Variants in NEDD9 observed in about 807,000 individuals in gnomAD.
NEDD9 encodes enhancer of filamentation 1.
NEDD9 carries 26 observed loss-of-function variants against 76.6 expected under a neutral mutation model. That is an observed-to-expected ratio of 0.34 (90% CI 0.25 to 0.47). NEDD9 has a LOEUF of 0.47. Among genes scored for constraint, NEDD9 ranks in the 20% least tolerant of loss-of-function variants. The pLI is 1.00. For missense variants in NEDD9, 937 were observed against 1,058.5 expected (o/e 0.89, Z 1.59); for synonymous variants, 392 against 414.2 (o/e 0.95, Z 0.65).
intron 2 of NEDD9, among the ~76,000 whole-genome samples, chr6:11,307,336 GA>G (rs759522337): frequency 6.6e-6 from 1 of 152,154 alleles, no homozygotes; most frequent in Non-Finnish European, 1.5e-5. Flanking sequence ...TCTTGGCTAA[GA>G]GGGGGGAAAA....
chr6:11,324,798 C>T (rs1215236106), intron 2 of NEDD9, among the ~76,000 whole-genome samples: 1 of 152,160 alleles, frequency 6.6e-6, no homozygotes, highest in Non-Finnish European at 1.5e-5. Context: ...GGGAGGGACA[C>T]TGACAGCCCT....
intron 2 of NEDD9, among the ~76,000 whole-genome samples, chr6:11,196,757 A>G (rs1196150083): frequency 2.6e-5 from 4 of 152,088 alleles, no homozygotes; most frequent in Admixed American, 2.6e-4. Flanking sequence ...GTTGGTCCAC[A>G]AATGGCATTT....
At position 11,188,324 on chromosome 6, in the gene NEDD9, T is replaced by C. The variant is rs1483407598; in HGVS notation, c.1906-17A>G. ...CTCCTTACCCTGTTAATTTTCAACA[T>C]AAAGAACATATTATGTCATCACTGT... On this transcript the variant is annotated splice_polypyrimidine_tract_variant and intron_variant, in intron 5 of 6. Coordinates refer to ENST00000379446, the MANE Select transcript of NEDD9 (RefSeq NM_006403.4). 3 of 1,578,072 alleles carry C rather than the reference T, an allele frequency of 1.9e-6. No homozygotes were observed. In the Admixed American group the frequency reaches 5.0e-5, roughly 26 times the overall value.
chr6:11,186,520 T>A (rs903338356), intron 6 of NEDD9, among the ~76,000 whole-genome samples: 1 of 152,238 alleles, frequency 6.6e-6, no homozygotes, highest in Non-Finnish European at 1.5e-5. Flanking sequence ...AGCTTCAGAC[T>A]CAGTTAATCT....
chr6:11,185,812 G>A (rs1757967211), intron 6 of NEDD9, 141 bp from the exon 7 acceptor site: 4 of 955,494 alleles, frequency 4.2e-6, no homozygotes, highest in Non-Finnish European at 6.1e-6. Context: ...CCTGGGTCAA[G>A]CTGCCTTGCT....
At chr6:11,211,046 C>G (rs1758775451) in intron 2 of NEDD9, among the ~76,000 whole-genome samples, 1 of 152,216 alleles carries the variant, frequency 6.6e-6, no homozygotes, top group Non-Finnish European at 1.5e-5. Context: ...TCAGCCCTGG[C>G]TGCAACTCCT....
At chr6:11,379,972 T>C (rs1763033045) in intron 1 of NEDD9, among the ~76,000 whole-genome samples, 1 of 152,184 alleles carries the variant, frequency 6.6e-6, no homozygotes. Flanking sequence ...CAGGACAAAG[T>C]GAAGGTCATT....
intron 1 of NEDD9, among the ~76,000 whole-genome samples, chr6:11,229,677 C>T (rs937034493): frequency 1.3e-5 from 2 of 152,174 alleles, no homozygotes; most frequent in East Asian, 3.9e-4. Context: ...TATCACATAA[C>T]CACAGACTGA....
chr6:11,237,848 TCTA>T lies in NEDD9; in HGVS notation c.13-24124_13-24122del, dbSNP rs1382319716. ...AGAATAAAGTATAGATCTTTCCACA[TCTA>T]CAGGGGAACAATCTGGAAGCTGAGT... On this transcript the variant is annotated intron_variant, in intron 3 of 3. Transcript: ENST00000397378. This position sits in a 1 kb window ranked among gnomAD's most constrained non-coding sequence, Gnocchi z 4.9. Among the ~76,000 whole-genome samples, 1 of 152,146 alleles carries T rather than the reference TCTA, an allele frequency of 6.6e-6. No individual in the cohort carries two copies. Among genetic ancestry groups the T allele is most frequent in the Non-Finnish European group, 1.5e-5 (1 of 68,030 alleles).
chr6:11,355,774 G>T (rs1354081702), intron 1 of NEDD9, among the ~76,000 whole-genome samples: 1 of 151,924 alleles, frequency 6.6e-6, no homozygotes, highest in Non-Finnish European at 1.5e-5. Context: ...AGGCTGGAGG[G>T]CAGTGGCGCG....
chr6:11,295,590 G>A (rs1376860862), intron 3 of NEDD9, among the ~76,000 whole-genome samples: 13 of 152,226 alleles, frequency 8.5e-5, no homozygotes, highest in Admixed American at 3.9e-4. Flanking sequence ...CTCCTCCCTC[G>A]GGTGGCCTGT....
chr6:11,275,471 C>T (rs142995142), intron 3 of NEDD9, among the ~76,000 whole-genome samples: 84 of 152,146 alleles, frequency 5.5e-4, no homozygotes, highest in Non-Finnish European at 9.0e-4. Flanking sequence ...TTAGCCATTG[C>T]ACAAACATTC....
chr6:11,280,417 G>T (rs1325103234), intron 3 of NEDD9, among the ~76,000 whole-genome samples: 1 of 152,184 alleles, frequency 6.6e-6, no homozygotes, highest in Non-Finnish European at 1.5e-5. Context: ...GGATTGACTG[G>T]GAACTTTCCA....
At position 11,183,416 on chromosome 6, in the gene NEDD9, T is replaced by A. The variant is rs1324915949; in HGVS notation, c.*1746A>T. ...AAATGTGAAATGTCTCCACTTAGCG[T>A]AGATCAATCAAGTCAGCCATCTCCT... On this transcript the variant is annotated 3_prime_UTR_variant, in exon 7 of 7. Transcript: ENST00000379446. 1 of 152,250 alleles carries A rather than the reference T, an allele frequency of 6.6e-6. No individual in the cohort carries two copies. The highest frequency in any genetic ancestry group is 2.4e-5 in the African/African-American group (1 of 41,472). 9.4% of individuals were successfully genotyped at this position (152,250 alleles called of 1,614,324 possible). A position where few individuals can be genotyped will look rare whatever the true frequency, so the allele number is the denominator to read the frequency against.
At position 11,241,036 on chromosome 6, in the gene NEDD9, G is replaced by A. The variant is rs1398265835; in HGVS notation, c.13-27309C>T. Among the ~76,000 whole-genome samples the A allele has an allele frequency of 2.6e-5, 4 of 152,186 alleles. No individual in the cohort carries two copies. Among genetic ancestry groups the A allele is most frequent in the African/African-American group, 9.7e-5 (4 of 41,442 alleles). ...TTTAGTTTGTCCAAATAAACAACTTGTTATATGAAACTGTCATGGAAATCT... is the reference window on the plus strand; with the variant it reads ...TTTAGTTTGTCCAAATAAACAACTTATTATATGAAACTGTCATGGAAATCT... On this transcript the variant is annotated intron_variant, in intron 3 of 3. Coordinates refer to the NEDD9 transcript ENST00000397378. The surrounding 1 kb of genome is among the most constrained non-coding windows in gnomAD (Gnocchi z 4.0).
chr6:11,231,295 G>A (rs1185391542), intron 1 of NEDD9, among the ~76,000 whole-genome samples: 1 of 152,190 alleles, frequency 6.6e-6, no homozygotes, highest in East Asian at 1.9e-4. Flanking sequence ...TCAGACAGTG[G>A]TAACGTAGGC....
intron 3 of NEDD9, among the ~76,000 whole-genome samples, chr6:11,263,782 C>T (rs547143840): frequency 6.6e-6 from 1 of 152,230 alleles, no homozygotes; most frequent in Admixed American, 6.5e-5. Flanking sequence ...GTAGACTGAG[C>T]CCTGTTGCTC....
chr6:11,348,094 A>G (rs116600844), intron 1 of NEDD9, among the ~76,000 whole-genome samples: 481 of 152,328 alleles, frequency 3.2e-3, no homozygotes, highest in African/African-American at 0.011. Context: ...TCAAAGTTTC[A>G]GGATACAAAA....
At chr6:11,333,163 G>A (rs1883236) in intron 2 of NEDD9, among the ~76,000 whole-genome samples, 2,292 of 152,102 alleles carry the variant, frequency 0.015, 30 homozygotes, top group Non-Finnish European at 0.024. Flanking sequence ...TTTTTCCGAG[G>A]CTTTGTCTAT....
Sources: allele counts gnomAD v4.1 joint callset (sites outside exome capture counted in the v4.1 genomes callset), GRCh38; gene constraint gnomAD v4.1.1; non-coding constraint Gnocchi (gnomAD v3.1); transcripts MANE v1.5; gene names NCBI Gene and HGNC (gene_info 2026-07-23, HGNC 2026-07-21).